Variants in DNAI1 observed in about 807,000 individuals in gnomAD.
DNAI1 encodes the protein dynein axonemal intermediate chain 1.
A neutral mutation model predicts 92.0 loss-of-function variants in DNAI1; 67 were observed. The observed-to-expected ratio is 0.73, with a 90% confidence interval of 0.60 to 0.89. The LOEUF (loss-of-function observed/expected upper bound fraction) is 0.89, where lower values mean the gene tolerates loss of function less well. Among genes scored for constraint, DNAI1 ranks in the 40% least tolerant of loss-of-function variants. The pLI, the probability that DNAI1 is intolerant of heterozygous loss-of-function variation, is 0.00. For missense variants in DNAI1, 839 were observed against 866.6 expected, an observed-to-expected ratio of 0.97 and a Z score of 0.40; for synonymous variants, 323 against 319.6, an observed-to-expected ratio of 1.01 and a Z score of -0.11.
intron 18 of DNAI1, 127 bp downstream of exon 18, chr9:34,514,866 T>C (rs1825144479): frequency 9.4e-7 from 1 of 1,069,402 alleles, no homozygotes; most frequent in South Asian, 1.3e-5. Context: ...ATAAGGACTG[T>C]GTATTTTCCA....
rs1379578270 is a variant in DNAI1 at position 34,514,501 on chromosome 9, C to T, written c.1677C>T (p.Cys559=). The T allele has an allele frequency of 3.1e-6, 5 of 1,614,256 alleles. No individual in the cohort carries two copies. The highest frequency in any genetic ancestry group is 3.3e-5 in the Admixed American group (2 of 60,028). ...ACCACACCAAGGTCTTCATGTCCTG[C>T]AGCTCCGACTGGACAGTGAAGATCT... ...NPYHTKVFMS[C]SSDWTVKIWD... is the part of the protein sequence containing the mutation. Residue 559 remains cysteine, a synonymous_variant, in exon 17 of 20, where the codon TGC becomes TGT. Coordinates refer to ENST00000242317, the MANE Select transcript of DNAI1 (RefSeq NM_012144.4).
intron 8 of DNAI1, among the ~76,000 whole-genome samples, 154 bp from the exon 9 acceptor site, chr9:34,493,040 G>T (rs975736525): frequency 6.6e-6 from 1 of 152,136 alleles, no homozygotes; most frequent in Non-Finnish European, 1.5e-5. Flanking sequence ...TAGTAGGGAA[G>T]ACAGGTATTG....
At chr9:34,497,904 C>A (rs1023471961) in intron 10 of DNAI1, among the ~76,000 whole-genome samples, 1 of 152,172 alleles carries the variant, frequency 6.6e-6, no homozygotes, top group African/African-American at 2.4e-5. Context: ...ACAGGATCTT[C>A]ATTGAAAAGA....
intron 1 of DNAI1, among the ~76,000 whole-genome samples, chr9:34,466,562 G>A (rs1327911811): frequency 1.3e-5 from 2 of 152,154 alleles, no homozygotes; most frequent in Non-Finnish European, 2.9e-5. Context: ...CTTTAGTTAA[G>A]CTCTTTAAGT....
intron 1 of DNAI1, among the ~76,000 whole-genome samples, chr9:34,480,957 T>A (rs1489244369): frequency 2.0e-5 from 3 of 150,934 alleles, no homozygotes; most frequent in African/African-American, 7.3e-5. Context: ...AATAAATAAA[T>A]AGGCTGGGCG....
At chr9:34,489,919 G>T in intron 5 of DNAI1, 93 bp from the exon 6 acceptor site, 1 of 1,559,904 alleles carries the variant, frequency 6.4e-7, no homozygotes, top group Non-Finnish European at 8.7e-7. Flanking sequence ...CTCAGGCCAA[G>T]GAAAACCCCA....
In DNAI1 at chr9:34,520,666, G is replaced by A; in HGVS notation, c.2010G>A (p.Lys670=). 1 of 1,551,648 alleles carries A rather than the reference G, an allele frequency of 6.4e-7. No homozygotes were observed. The highest frequency in any genetic ancestry group is 8.7e-7 in the Non-Finnish European group (1 of 1,146,972). ...ACTTTCCCTCTCCCCAGGAAAAGAA[G>A]GGGCAGGAGGTGCAGAAGGGTCCAG... ...PNLRKMPKEK[K]GQEVQKGPAV... The change falls in exon 20 of 20, where the codon AAG becomes AAA. Residue 670 remains lysine, a synonymous_variant. Transcript: ENST00000242317.
intron 13 of DNAI1, among the ~76,000 whole-genome samples, chr9:34,508,682 C>G (rs1824990844): frequency 6.6e-6 from 1 of 152,080 alleles, no homozygotes; most frequent in Admixed American, 6.5e-5. Flanking sequence ...GGCAGAGGCC[C>G]AAGCCAACCA....
At chr9:34,473,928 A>G (rs915453385) in intron 1 of DNAI1, among the ~76,000 whole-genome samples, 16 of 151,908 alleles carry the variant, frequency 1.1e-4, no homozygotes, top group Non-Finnish European at 1.9e-4. Flanking sequence ...GTATCTTGCT[A>G]TGTCACCCAG....
intron 10 of DNAI1, among the ~76,000 whole-genome samples, chr9:34,497,404 A>G (rs915880677): frequency 1.3e-5 from 2 of 152,224 alleles, no homozygotes; most frequent in African/African-American, 4.8e-5. Context: ...GTGTATACTG[A>G]TGAGATCTGG....
At chr9:34,496,674 C>T (rs768694710) in intron 9 of DNAI1, among the ~76,000 whole-genome samples, 25 of 152,194 alleles carry the variant, frequency 1.6e-4, no homozygotes, top group Non-Finnish European at 3.2e-4. Flanking sequence ...GATAAAACCA[C>T]ATGATCTTTG....
chr9:34,515,606 A>G (rs967223843), intron 18 of DNAI1, among the ~76,000 whole-genome samples: 7 of 152,404 alleles, frequency 4.6e-5, no homozygotes, highest in Admixed American at 2.0e-4. Context: ...ACTGCTGAAT[A>G]GATAAACAAA....
chr9:34,483,526 G>T, intron 2 of DNAI1, 46 bp downstream of exon 2: 1 of 1,547,502 alleles, frequency 6.5e-7, no homozygotes. Flanking sequence ...TGCTAATAGT[G>T]TTTTTTTTGT....
At chr9:34,506,176 A>G (rs989054777) in intron 12 of DNAI1, among the ~76,000 whole-genome samples, 2 of 152,112 alleles carry the variant, frequency 1.3e-5, no homozygotes, top group African/African-American at 4.8e-5. Flanking sequence ...CTCACTGTAG[A>G]CAATTCGATG....
intron 8 of DNAI1, among the ~76,000 whole-genome samples, chr9:34,492,471 G>A (rs1390916634): frequency 7.7e-6 from 1 of 129,502 alleles, no homozygotes; most frequent in African/African-American, 2.9e-5. Context: ...TGCCATGTCC[G>A]GGGTGGGGGT....
chr9:34,520,472 C>T (rs1470714656), intron 19 of DNAI1, among the ~76,000 whole-genome samples, 186 bp from the exon 20 acceptor site: 1 of 152,158 alleles, frequency 6.6e-6, no homozygotes, highest in Non-Finnish European at 1.5e-5. Context: ...GTCAGCTGAG[C>T]CCCTGTGTCA....
intron 1 of DNAI1, among the ~76,000 whole-genome samples, chr9:34,483,041 C>T (rs1824400016): frequency 6.6e-6 from 1 of 152,250 alleles, no homozygotes; most frequent in Non-Finnish European, 1.5e-5. Flanking sequence ...GCCAGCAGGG[C>T]TGGCTGGCTG....
chr9:34,482,887 T>C (rs1217685398), intron 1 of DNAI1, among the ~76,000 whole-genome samples: 1 of 152,232 alleles, frequency 6.6e-6, no homozygotes, highest in Non-Finnish European at 1.5e-5. Context: ...CATGGCGGGC[T>C]GCAGGTCCCG....
At chr9:34,491,644 G>A (rs1824597331) in intron 8 of DNAI1, 90 bp downstream of exon 8, 2 of 1,410,172 alleles carry the variant, frequency 1.4e-6, no homozygotes, top group Non-Finnish European at 2.0e-6. Context: ...TGGGTCAAGG[G>A]CTCCTCTGGC....
Sources: allele counts gnomAD v4.1 joint callset (sites outside exome capture counted in the v4.1 genomes callset), GRCh38; gene constraint gnomAD v4.1.1; transcripts MANE v1.5; gene names NCBI Gene and HGNC (gene_info 2026-07-23, HGNC 2026-07-21).